Variants in CADPS observed in about 807,000 individuals in gnomAD.
CADPS encodes calcium-dependent secretion activator 1.
In CADPS, 57 loss-of-function variants were observed where a neutral mutation model predicts 167.3. The ratio of observed to expected loss-of-function variants is 0.34; its 90% confidence interval spans 0.28 to 0.42. The LOEUF (loss-of-function observed/expected upper bound fraction) is 0.42, where lower values mean the gene tolerates loss of function less well. Ranked by LOEUF, CADPS falls within the 20% of genes least tolerant of loss-of-function variation. CADPS has a pLI of 1.00. For missense variants in CADPS, 1,414 were observed against 1,738.1 expected, an observed-to-expected ratio of 0.81 and a Z score of 3.32; for synonymous variants, 676 against 635.3, an observed-to-expected ratio of 1.06 and a Z score of -0.96.
At chr3:62,614,591 T>C (rs1280153302) in intron 6 of CADPS, among the ~76,000 whole-genome samples, 1 of 152,250 alleles carries the variant, frequency 6.6e-6, no homozygotes, top group African/African-American at 2.4e-5. Context: ...GTCTGGCTCT[T>C]GTAAACATTT....
In CADPS at chr3:62,446,051, C is replaced by T. The variant is rs1481834852; in HGVS notation, c.3637-254G>A. On this transcript the variant is annotated intron_variant, in intron 26 of 29. Transcript: ENST00000383710. The surrounding 1 kb of genome is among the most constrained non-coding windows in gnomAD (Gnocchi z 4.9). ...TGCTGGAGCGGGAGCTTTACATTTT[C>T]CTCCCTCCCTCTGAAAAAAAGTAAA... is the stretch of plus-strand genomic sequence containing the variant. Among the ~76,000 whole-genome samples the T allele has an allele frequency of 3.3e-5, 5 of 152,162 alleles. No homozygotes were observed. Among genetic ancestry groups the T allele is most frequent in the Non-Finnish European group, 7.4e-5 (5 of 68,026 alleles).
chr3:62,599,889 ATT>A (rs2059692392), intron 6 of CADPS, among the ~76,000 whole-genome samples: 3 of 75,990 alleles, frequency 3.9e-5, no homozygotes, highest in South Asian at 3.4e-4. Context: ...ATATATATAT[ATT>A]ATATATACCA....
chr3:62,482,200 G>A (rs1360920846), intron 21 of CADPS, among the ~76,000 whole-genome samples: 1 of 152,200 alleles, frequency 6.6e-6, no homozygotes, highest in African/African-American at 2.4e-5. Context: ...AGAACTTGAA[G>A]TTCCTGGAAT....
chr3:62,552,240 A>C (rs1174647420), intron 10 of CADPS, among the ~76,000 whole-genome samples: 1 of 55,888 alleles, frequency 1.8e-5, no homozygotes, highest in Non-Finnish European at 3.3e-5. Flanking sequence ...GGGTGGGGGG[A>C]GGGGGGAGGG....
intron 6 of CADPS, among the ~76,000 whole-genome samples, chr3:62,604,411 G>A (rs2060406640): frequency 6.6e-6 from 1 of 152,208 alleles, no homozygotes; most frequent in Admixed American, 6.5e-5. Context: ...TGACTTCCAA[G>A]CTCTTCACAT....
At chr3:62,540,569 T>C (rs1423448448) in intron 11 of CADPS, among the ~76,000 whole-genome samples, 1 of 152,088 alleles carries the variant, frequency 6.6e-6, no homozygotes, top group Non-Finnish European at 1.5e-5. Flanking sequence ...GGGAAAAAAA[T>C]CTTATAGAAG....
At chr3:62,741,238 A>T (rs919432983) in intron 3 of CADPS, among the ~76,000 whole-genome samples, 2 of 152,164 alleles carry the variant, frequency 1.3e-5, no homozygotes, top group African/African-American at 4.8e-5. Context: ...TATTCCAAAA[A>T]ATTGAGGAGG....
chr3:62,782,093 C>G (rs1309921399), intron 1 of CADPS, among the ~76,000 whole-genome samples: 1 of 152,154 alleles, frequency 6.6e-6, no homozygotes, highest in Non-Finnish European at 1.5e-5. Context: ...ACAGACGCAT[C>G]ATTCTGGAAT....
chr3:62,744,121 C>A (rs1242264288), intron 3 of CADPS, among the ~76,000 whole-genome samples: 1 of 151,982 alleles, frequency 6.6e-6, no homozygotes, highest in Non-Finnish European at 1.5e-5. Context: ...AATGTAGGTA[C>A]AAATGTCTGC....
chr3:62,720,441 C>T (rs2075557215), intron 3 of CADPS, among the ~76,000 whole-genome samples: 2 of 151,790 alleles, frequency 1.3e-5, no homozygotes. Context: ...AAGCAATCCT[C>T]CCACTTTAGT....
rs578210277 is a variant in CADPS, at chr3:62,421,924, T to C, written c.3777+16180A>G. Among the ~76,000 whole-genome samples, 2 of 152,344 alleles carry C rather than the reference T, an allele frequency of 1.3e-5. No individual in the cohort carries two copies. The highest frequency in any genetic ancestry group is 4.1e-4 in the South Asian group (2 of 4,828). On this transcript the variant is annotated intron_variant, in intron 28 of 29. Transcript: ENST00000383710. The surrounding 1 kb of genome is among the most constrained non-coding windows in gnomAD (Gnocchi z 4.7). ...GAATGTCTTGGATTAATTTTATTCT[T>C]TTTTCCTTTGTAAAGCAGGTTGTGT...
At chr3:62,656,720 G>C (rs2071695431) in intron 4 of CADPS, among the ~76,000 whole-genome samples, 2 of 152,318 alleles carry the variant, frequency 1.3e-5, no homozygotes, top group African/African-American at 2.4e-5. Context: ...GGTTAAATGA[G>C]AGAAAGAGGT....
rs1411411120 is a variant in CADPS at position 62,536,556 on chromosome 3, G to A, written c.1992C>T (p.Gly664=). The change falls in exon 12 of 30, where the codon GGC becomes GGT. Residue 664 remains glycine (G), a synonymous_variant. Coordinates refer to ENST00000383710, the MANE Select transcript of CADPS (RefSeq NM_003716.4). The stretch of plus-strand genomic sequence containing the variant: ...GGTTGGAAGAGATAAATTCATCCAT[G>A]CCATGTTTTTGAGCTCTATCTGCGT... ...QFYADRAQKH[G]MDEFISSNPC... is the part of the protein sequence containing the mutation. The A allele has an allele frequency of 7.4e-6, 12 of 1,613,198 alleles. No homozygotes were observed. Among genetic ancestry groups the A allele is most frequent in the South Asian group, 1.1e-5 (1 of 91,052 alleles).
intron 6 of CADPS, among the ~76,000 whole-genome samples, chr3:62,634,297 T>C (rs1009019751): frequency 6.6e-6 from 1 of 152,204 alleles, no homozygotes; most frequent in African/African-American, 2.4e-5. Flanking sequence ...AGATATCGAG[T>C]TGTACTGTTG....
At chr3:62,731,840 G>GAAGAAAGGA (rs942825536) in intron 3 of CADPS, among the ~76,000 whole-genome samples, 3 of 108,518 alleles carry the variant, frequency 2.8e-5, no homozygotes, top group Non-Finnish European at 5.8e-5. Context: ...AGTAAAGAAG[G>GAAGAAAGGA]AAGAAAGGAA....
At chr3:62,476,235 T>C (rs17066433) in intron 23 of CADPS, among the ~76,000 whole-genome samples, 253 of 152,290 alleles carry the variant, frequency 1.7e-3, no homozygotes, top group African/African-American at 5.5e-3. Flanking sequence ...CCTTGCTATG[T>C]TGGCTTAGAA....
chr3:62,537,701 C>A (rs1430904490), intron 11 of CADPS, among the ~76,000 whole-genome samples: 1 of 151,938 alleles, frequency 6.6e-6, no homozygotes, highest in Non-Finnish European at 1.5e-5. Flanking sequence ...GTTTGGATAA[C>A]ATTTTCATGT....
chr3:62,773,678 T>C lies in CADPS; in HGVS notation c.442-7694A>G, dbSNP rs541953949. Among the ~76,000 whole-genome samples the C allele has an allele frequency of 3.3e-5, 5 of 152,276 alleles. No homozygotes were observed. In the South Asian group the frequency reaches 8.3e-4, roughly 25 times the overall value. On this transcript the variant is annotated intron_variant, in intron 1 of 29. Coordinates refer to ENST00000383710, the MANE Select transcript of CADPS (RefSeq NM_003716.4). ...TTCTAAGCAATAATATCCAAAACCA[T>C]AAGCTTTATGTAGTTTTATGTAGTA...
At chr3:62,847,405 T>C in intron 1 of CADPS, among the ~76,000 whole-genome samples, 1 of 75,862 alleles carries the variant, frequency 1.3e-5, no homozygotes, top group African/African-American at 5.5e-5. Flanking sequence ...ATTAGGTATA[T>C]CTCCCAATGC....
Sources: gnomAD v4.1 joint callset for allele counts (sites outside exome capture counted in the v4.1 genomes callset) on GRCh38, gnomAD v4.1.1 for gene constraint, Gnocchi (gnomAD v3.1) non-coding constraint, MANE v1.5 for transcripts, NCBI Gene and HGNC (gene_info 2026-07-23, HGNC 2026-07-21) for gene names.